The following ATP10B variants were observed in gnomAD, a reference collection of about 807,000 sequenced individuals.
The protein encoded by ATP10B is ATPase phospholipid transporting 10B (putative), also known as phospholipid-transporting ATPase VB.
Under a neutral mutation model 141.2 loss-of-function variants are expected in ATP10B, and 122 were observed. The ratio of observed to expected loss-of-function variants is 0.86; its 90% CI spans 0.75 to 1.00. The LOEUF (loss-of-function observed/expected upper bound fraction) is 1.00, where lower values mean the gene tolerates loss of function less well. Among genes scored for constraint, ATP10B ranks in the 50% least tolerant of loss-of-function variants. The pLI, the probability that ATP10B is intolerant of heterozygous loss-of-function variation, is 0.00. For synonymous variants in ATP10B, 685 were observed against 692.0 expected (o/e 0.99, Z 0.16); for missense variants, 1,876 against 1,825.3 (o/e 1.03, Z -0.51).
At chr5:160,825,166 G>C (rs1389712165) in intron 1 of ATP10B, among the ~76,000 whole-genome samples, 2 of 152,086 alleles carry the variant, frequency 1.3e-5, no homozygotes, top group Admixed American at 6.6e-5. Flanking sequence ...CATATTTCCT[G>C]TGTTCCAAGG....
chr5:160,722,085 A>C (rs553068540), intron 2 of ATP10B, among the ~76,000 whole-genome samples: 1 of 152,336 alleles, frequency 6.6e-6, no homozygotes, highest in Admixed American at 6.5e-5. Context: ...CTTCGTAGGA[A>C]GTATTTGTCA....
the ATP10B span, among the ~76,000 whole-genome samples, chr5:160,927,043 A>G: frequency 6.6e-6 from 1 of 152,216 alleles, no homozygotes; most frequent in African/African-American, 2.4e-5. Context: ...AGAGAACAGT[A>G]GTTATTATTC....
the ATP10B span, among the ~76,000 whole-genome samples, chr5:160,881,802 C>T: frequency 6.6e-6 from 1 of 151,014 alleles, no homozygotes; most frequent in Non-Finnish European, 1.5e-5. Context: ...CAGAGCAAGA[C>T]TCCATCTTAA....
At chr5:160,799,143 T>G (rs1561866267) in intron 1 of ATP10B, among the ~76,000 whole-genome samples, 1 of 152,244 alleles carries the variant, frequency 6.6e-6, no homozygotes, top group East Asian at 1.9e-4. Context: ...GGTTTGTGTT[T>G]TAAAAATGTG....
chr5:160,785,834 A>G (rs1242978655), intron 1 of ATP10B, 31 bp from the exon 2 acceptor site: 4 of 347,432 alleles, frequency 1.2e-5, no homozygotes, highest in Non-Finnish European at 2.0e-5. Flanking sequence ...AAGAAATACA[A>G]AATATACAAT....
intron 24 of ATP10B, among the ~76,000 whole-genome samples, chr5:160,577,234 TC>T (rs990053220): frequency 5.9e-5 from 9 of 152,192 alleles, no homozygotes; most frequent in African/African-American, 2.2e-4. Flanking sequence ...CAGGCTCTTT[TC>T]ATCTTTCTGC....
intron 3 of ATP10B, among the ~76,000 whole-genome samples, chr5:160,715,474 C>T (rs1031492617): frequency 9.1e-5 from 13 of 143,166 alleles, no homozygotes; most frequent in South Asian, 4.7e-4. Context: ...TGCTTCGGCT[C>T]GCGCACGGTG....
the ATP10B span, among the ~76,000 whole-genome samples, chr5:160,880,985 C>G: frequency 6.6e-6 from 1 of 152,170 alleles, no homozygotes; most frequent in South Asian, 2.1e-4. Context: ...AAGACAACAT[C>G]AAGAGAATGA....
chr5:160,837,039 A>G (rs1353945129), intron 1 of ATP10B, among the ~76,000 whole-genome samples: 1 of 152,130 alleles, frequency 6.6e-6, no homozygotes, highest in Non-Finnish European at 1.5e-5. Context: ...GCTTCTAGGC[A>G]TATACATACA....
At chr5:160,587,735 A>G (rs897460339) in intron 24 of ATP10B, among the ~76,000 whole-genome samples, 1 of 152,040 alleles carries the variant, frequency 6.6e-6, no homozygotes, top group South Asian at 2.1e-4. Flanking sequence ...CTGTTTGTCT[A>G]TTGTTGGTGT....
chr5:160,780,445 C>A (rs1770640433), intron 2 of ATP10B, among the ~76,000 whole-genome samples: 1 of 152,170 alleles, frequency 6.6e-6, no homozygotes. Flanking sequence ...AGATTAACCA[C>A]ATACAAAACT....
intron 3 of ATP10B, among the ~76,000 whole-genome samples, chr5:160,699,392 A>T (rs1327730876): frequency 1.3e-5 from 2 of 152,228 alleles, no homozygotes; most frequent in Admixed American, 6.5e-5. Flanking sequence ...CTGAGCTGAG[A>T]GGTGATAAAA....
At chr5:160,882,122 A>T in the ATP10B span, among the ~76,000 whole-genome samples, 2 of 152,214 alleles carry the variant, frequency 1.3e-5, no homozygotes, top group African/African-American at 4.8e-5. Context: ...ATGAACAGGT[A>T]GGCCACAGAG....
Position 160,565,725 on chromosome 5 carries a change from T to A in ATP10B, c.4114A>T (p.Ile1372Phe). The change falls in exon 26 of 26, where the codon ATC becomes TTC. Residue 1372 changes from isoleucine (I) to phenylalanine (F), a missense_variant. By Grantham distance (21) the Ile-to-Phe change is conservative. Coordinates refer to ENST00000327245, the MANE Select transcript of ATP10B (RefSeq NM_025153.3). ...ARPTHHPVSS[I>F]TGQDFSASTP... is the part of the protein sequence containing the mutation. ...CTGGCACTGAAGTCCTGTCCTGTGATAGATGACACTGGGTGGTGAGTTGGT... is the reference window on the plus strand; with the variant it reads ...CTGGCACTGAAGTCCTGTCCTGTGAAAGATGACACTGGGTGGTGAGTTGGT... 6.2e-7 allele frequency: 1 copy of A among 1,614,068 alleles called. No homozygotes were observed. Among genetic ancestry groups the A allele is most frequent in the East Asian group, 2.2e-5 (1 of 44,866 alleles).
At chr5:160,907,818 T>C in the ATP10B span, among the ~76,000 whole-genome samples, 1 of 152,196 alleles carries the variant, frequency 6.6e-6, no homozygotes, top group African/African-American at 2.4e-5. Context: ...ATGTGCTACT[T>C]GGTACTTTTC....
At chr5:160,856,663 A>G (rs1003604855), upstream of ATP10B, among the ~76,000 whole-genome samples, 2 of 151,812 alleles carry the variant, frequency 1.3e-5, no homozygotes, top group South Asian at 2.1e-4. Flanking sequence ...TTTGAGTTGT[A>G]TGTAGATGAT....
At chr5:160,768,803 G>A (rs1769670663) in intron 2 of ATP10B, among the ~76,000 whole-genome samples, 1 of 152,192 alleles carries the variant, frequency 6.6e-6, no homozygotes, top group South Asian at 2.1e-4. Context: ...CAGGGATTTG[G>A]CACAGTTGGC....
intron 1 of ATP10B, among the ~76,000 whole-genome samples, chr5:160,804,351 T>C (rs1237252190): frequency 1.3e-5 from 2 of 152,234 alleles, no homozygotes; most frequent in South Asian, 4.1e-4. Flanking sequence ...TCATCATTTG[T>C]TCCTCAGTGT....
intron 19 of ATP10B, among the ~76,000 whole-genome samples, chr5:160,605,924 G>A (rs1757362366): frequency 6.6e-6 from 1 of 152,226 alleles, no homozygotes; most frequent in Admixed American, 6.5e-5. Context: ...ACTGGGTGCT[G>A]TGGGAGCCCC....
Sources: gnomAD v4.1 joint callset for allele counts (sites outside exome capture counted in the v4.1 genomes callset) on GRCh38, gnomAD v4.1.1 for gene constraint, MANE v1.5 for transcripts, NCBI Gene and HGNC (gene_info 2026-07-23, HGNC 2026-07-21) for gene names.